The following ADAMTS3 variants were observed in gnomAD, a reference collection of about 807,000 sequenced individuals.
ADAMTS3 encodes the protein A disintegrin and metalloproteinase with thrombospondin motifs 3.
Under a neutral mutation model 129.0 loss-of-function variants are expected in ADAMTS3, and 73 were observed. That is an observed-to-expected ratio of 0.57 (90% CI 0.47 to 0.69). ADAMTS3 has a LOEUF of 0.69. Among genes scored for constraint, ADAMTS3 ranks in the 30% least tolerant of loss-of-function variants. The pLI, the probability that ADAMTS3 is intolerant of heterozygous loss-of-function variation, is 0.00. For missense variants in ADAMTS3, 1,457 were observed against 1,514.5 expected, an observed-to-expected ratio of 0.96 and a Z score of 0.63; for synonymous variants, 477 against 510.8, an observed-to-expected ratio of 0.93 and a Z score of 0.89.
At chr4:72,529,739 A>C (rs1308478890) in intron 3 of ADAMTS3, among the ~76,000 whole-genome samples, 5 of 112,138 alleles carry the variant, frequency 4.5e-5, no homozygotes, top group East Asian at 2.3e-4. Flanking sequence ...ATATATATTT[A>C]TTTAATATAT....
chr4:72,303,673 T>C (rs1719010164), intron 17 of ADAMTS3, among the ~76,000 whole-genome samples: 1 of 152,068 alleles, frequency 6.6e-6, no homozygotes, highest in Admixed American at 6.6e-5. Flanking sequence ...CTTTAAAAGA[T>C]GATAACTGAT....
chr4:72,558,313 T>C (rs530901521), intron 2 of ADAMTS3, among the ~76,000 whole-genome samples: 1 of 151,826 alleles, frequency 6.6e-6, no homozygotes, highest in South Asian at 2.1e-4. Flanking sequence ...TAAGAGAGAA[T>C]CTGTTTCCCT....
At chr4:72,546,989 T>A (rs1053424889) in intron 3 of ADAMTS3, among the ~76,000 whole-genome samples, 1 of 152,128 alleles carries the variant, frequency 6.6e-6, no homozygotes, top group African/African-American at 2.4e-5. Context: ...CAAGCTGGGT[T>A]TGTTACACGT....
intron 4 of ADAMTS3, among the ~76,000 whole-genome samples, chr4:72,402,104 A>G (rs1422792151): frequency 1.3e-5 from 2 of 152,144 alleles, no homozygotes; most frequent in Non-Finnish European, 2.9e-5. Context: ...TACTATCACC[A>G]TTAGTTAGTT....
At chr4:72,363,154 GA>G (rs1414258944) in intron 4 of ADAMTS3, among the ~76,000 whole-genome samples, 2 of 152,092 alleles carry the variant, frequency 1.3e-5, no homozygotes, top group East Asian at 3.9e-4. Context: ...AATAGAGGAA[GA>G]AAGTCAAGTA....
chr4:72,453,780 C>A (rs1490896218), intron 3 of ADAMTS3, among the ~76,000 whole-genome samples: 3 of 151,418 alleles, frequency 2.0e-5, no homozygotes, highest in Admixed American at 1.3e-4. Flanking sequence ...TAAACAGAGA[C>A]AACTCATGGA....
At chr4:72,455,919 C>CTGTATATACTT (rs1718553580) in intron 3 of ADAMTS3, among the ~76,000 whole-genome samples, 1 of 98,966 alleles carries the variant, frequency 1.0e-5, no homozygotes, top group African/African-American at 4.5e-5. Context: ...TGTATATATA[C>CTGTATATACTT]TATATATATT....
At chr4:72,530,223 T>C (rs1168166321) in intron 3 of ADAMTS3, among the ~76,000 whole-genome samples, 74 of 78,378 alleles carry the variant, frequency 9.4e-4, no homozygotes, top group African/African-American at 3.6e-3. Context: ...TTAATATATA[T>C]ATATTATATA....
chr4:72,321,734 T>C (rs751735677), intron 6 of ADAMTS3, among the ~76,000 whole-genome samples: 2 of 152,148 alleles, frequency 1.3e-5, no homozygotes, highest in Non-Finnish European at 2.9e-5. Context: ...TCTTAGTCTA[T>C]GGAGAACCAT....
At chr4:72,469,271 C>T (rs1396250112) in intron 3 of ADAMTS3, among the ~76,000 whole-genome samples, 1 of 152,046 alleles carries the variant, frequency 6.6e-6, no homozygotes, top group Non-Finnish European at 1.5e-5. Flanking sequence ...GATATGAAGA[C>T]ACTATATTAC....
At chr4:72,303,771 G>A in intron 17 of ADAMTS3, 146 bp downstream of exon 17, 2 of 742,016 alleles carry the variant, frequency 2.7e-6, no homozygotes, top group South Asian at 3.6e-5. Context: ...AAAGAGTGGG[G>A]GGAAAGATAA....
chr4:72,310,988 G>T, intron 14 of ADAMTS3, 60 bp downstream of exon 14: 1 of 1,444,190 alleles, frequency 6.9e-7, no homozygotes, highest in African/African-American at 1.4e-5. Flanking sequence ...AAAATGTGCA[G>T]ATGAATGACA....
Position 72,323,115 on chromosome 4 carries a change from T to C in ADAMTS3, c.862-18A>G, listed in dbSNP as rs762250611. On this transcript the variant is annotated intron_variant, in intron 5 of 21. Transcript: ENST00000286657. ...TCATTCACCTAGCAACAAAAAAAGA[T>C]AATTGCTAAAAGAAAGGAAACACCG... 1.3e-6 allele frequency: 2 copies of C among 1,595,960 alleles called. No homozygotes were observed. Among genetic ancestry groups the C allele is most frequent in the Non-Finnish European group, 1.7e-6 (2 of 1,164,168 alleles).
intron 16 of ADAMTS3, among the ~76,000 whole-genome samples, chr4:72,304,361 GT>G (rs1414990244): frequency 1.3e-5 from 2 of 152,032 alleles, no homozygotes; most frequent in African/African-American, 4.8e-5. Flanking sequence ...CGTCAAAGAG[GT>G]TAATAGTTTC....
intron 3 of ADAMTS3, among the ~76,000 whole-genome samples, chr4:72,513,321 T>C (rs563697121): frequency 1.3e-5 from 2 of 152,348 alleles, no homozygotes; most frequent in South Asian, 2.1e-4. Context: ...TTCACAGCAG[T>C]TGGCATATCT....
At chr4:72,455,394 T>C (rs1268835988) in intron 3 of ADAMTS3, among the ~76,000 whole-genome samples, 2 of 151,532 alleles carry the variant, frequency 1.3e-5, no homozygotes, top group African/African-American at 4.8e-5. Flanking sequence ...AAACACCACA[T>C]GTTCTCACTG....
chr4:72,450,922 G>GGGAAGGAAGGAAGGAAGGAA (rs4019789), intron 3 of ADAMTS3, among the ~76,000 whole-genome samples: 9 of 144,218 alleles, frequency 6.2e-5, no homozygotes, highest in Non-Finnish European at 1.4e-4. Context: ...GAGGAGAGCA[G>GGGAAGGAAGGAAGGAAGGAA]GGAAGGAAGG....
At chr4:72,343,073 G>A (rs992685702) in intron 4 of ADAMTS3, among the ~76,000 whole-genome samples, 2 of 152,174 alleles carry the variant, frequency 1.3e-5, no homozygotes, top group African/African-American at 2.4e-5. Flanking sequence ...GGACAGGCTG[G>A]AGGTAGTAAT....
chr4:72,476,673 G>C (rs902501432), intron 3 of ADAMTS3, among the ~76,000 whole-genome samples: 33 of 152,076 alleles, frequency 2.2e-4, no homozygotes, highest in African/African-American at 7.2e-4. Flanking sequence ...GAAGGAAGAA[G>C]GGAGGGTGAT....
Sources: gnomAD v4.1 joint callset for allele counts (sites outside exome capture counted in the v4.1 genomes callset) on GRCh38, gnomAD v4.1.1 for gene constraint, MANE v1.5 for transcripts, NCBI Gene and HGNC (gene_info 2026-07-23, HGNC 2026-07-21) for gene names.